The following ZMYND8 variants were observed in gnomAD, a reference collection of about 807,000 sequenced individuals.
ZMYND8 encodes the protein MYND-type zinc finger-containing chromatin reader ZMYND8.
A neutral mutation model predicts 140.8 loss-of-function variants in ZMYND8; 37 were observed. That is an observed-to-expected ratio of 0.26 (90% CI 0.20 to 0.35). ZMYND8 has a LOEUF of 0.35. Among genes scored for constraint, ZMYND8 ranks in the 10% least tolerant of loss-of-function variants. ZMYND8 has a pLI of 1.00. For missense variants in ZMYND8, 1,068 were observed against 1,570.0 expected (o/e 0.68, Z 5.40); for synonymous variants, 592 against 597.1 (o/e 0.99, Z 0.12).
intron 2 of ZMYND8, among the ~76,000 whole-genome samples, chr20:47,317,627 G>A (rs373861084): frequency 6.6e-6 from 1 of 152,234 alleles, no homozygotes; most frequent in African/African-American, 2.4e-5. Flanking sequence ...TCCACAGGCT[G>A]AGACAGGCAT....
intron 2 of ZMYND8, among the ~76,000 whole-genome samples, chr20:47,343,520 A>T (rs912621025): frequency 8.7e-5 from 13 of 149,606 alleles, no homozygotes; most frequent in East Asian, 7.8e-4. Flanking sequence ...AGAATTCTAA[A>T]TTTTTTTTTT....
At chr20:47,311,703 C>CTAG (rs1366701715) in intron 2 of ZMYND8, among the ~76,000 whole-genome samples, 1 of 152,116 alleles carries the variant, frequency 6.6e-6, no homozygotes, top group Non-Finnish European at 1.5e-5. Flanking sequence ...CCCGTCTCTA[C>CTAG]TAAAAATACA....
intron 2 of ZMYND8, among the ~76,000 whole-genome samples, chr20:47,325,771 T>A (rs2080358032): frequency 6.6e-6 from 1 of 151,988 alleles, no homozygotes; most frequent in Non-Finnish European, 1.5e-5. Flanking sequence ...TTCTCTCAAT[T>A]ATTCTTTTTC....
At chr20:47,335,150 A>G (rs1241686539) in intron 2 of ZMYND8, among the ~76,000 whole-genome samples, 1 of 151,942 alleles carries the variant, frequency 6.6e-6, no homozygotes, top group African/African-American at 2.4e-5. Flanking sequence ...GGGAGGCTGC[A>G]GTGGGAGGAC....
rs1482223441 is a variant in ZMYND8 at position 47,239,147 on chromosome 20, T to G, written c.2285-9A>C. The G allele has an allele frequency of 1.3e-6, 2 of 1,484,902 alleles. No homozygotes were observed. The highest frequency in any genetic ancestry group is 2.8e-5 in the African/African-American group (2 of 71,424). 92.0% of individuals were successfully genotyped at this position (1,484,902 alleles called of 1,614,324 possible). On this transcript the variant is annotated splice_polypyrimidine_tract_variant and intron_variant, in intron 14 of 22. Transcript: ENST00000471951. ...TGGAGTTTTACCTACAACTAGCCAA[T>G]GCATGAAGAAAAAACAAACAAAAAC...
chr20:47,295,769 G>T (rs561548238), intron 4 of ZMYND8, among the ~76,000 whole-genome samples: 1 of 152,188 alleles, frequency 6.6e-6, no homozygotes, highest in Non-Finnish European at 1.5e-5. Context: ...CCAAAGGAAC[G>T]TCTGAAACCA....
At chr20:47,292,492 TA>T in intron 5 of ZMYND8, among the ~76,000 whole-genome samples, 1 of 152,326 alleles carries the variant, frequency 6.6e-6, no homozygotes, top group East Asian at 1.9e-4. Context: ...AGATTTTGTT[TA>T]AAAGAGTCCA....
chr20:47,311,718 C>A (rs2148231097), intron 2 of ZMYND8, among the ~76,000 whole-genome samples: 1 of 152,072 alleles, frequency 6.6e-6, no homozygotes, highest in Admixed American at 6.6e-5. Flanking sequence ...AATACAAAAA[C>A]AATTAGCTGG....
At chr20:47,312,281 T>C (rs1401109154) in intron 2 of ZMYND8, among the ~76,000 whole-genome samples, 1 of 152,162 alleles carries the variant, frequency 6.6e-6, no homozygotes, top group Non-Finnish European at 1.5e-5. Flanking sequence ...AAAGGCAAAG[T>C]ATCTTCCAGC....
chr20:47,292,548 C>G (rs1361675970), intron 5 of ZMYND8, among the ~76,000 whole-genome samples: 1 of 152,118 alleles, frequency 6.6e-6, no homozygotes, highest in East Asian at 1.9e-4. Context: ...TCAGCATGCT[C>G]TAAATTTTTT....
At chr20:47,212,027 G>A (rs565056041) in intron 22 of ZMYND8, among the ~76,000 whole-genome samples, 4 of 152,312 alleles carry the variant, frequency 2.6e-5, no homozygotes, top group Non-Finnish European at 4.4e-5. Context: ...GGGCAAGGGC[G>A]GAGTCTTCTT....
chr20:47,287,067 C>T (rs1039864336), intron 8 of ZMYND8, among the ~76,000 whole-genome samples, 162 bp downstream of exon 8: 5 of 152,106 alleles, frequency 3.3e-5, no homozygotes, highest in African/African-American at 9.7e-5. Flanking sequence ...ATACTCGGGC[C>T]CCTCTTTGTT....
chr20:47,218,805 C>T (rs1021658015), intron 21 of ZMYND8, among the ~76,000 whole-genome samples: 4 of 152,170 alleles, frequency 2.6e-5, no homozygotes, highest in African/African-American at 9.7e-5. Flanking sequence ...ACTGTGCCCC[C>T]AAATCCCATC....
Position 47,242,869 on chromosome 20 carries a change from T to C in ZMYND8, c.2284+3139A>G, listed in dbSNP as rs149779110. On this transcript the variant is annotated intron_variant, in intron 14 of 22. Coordinates refer to ENST00000471951, the MANE Select transcript of ZMYND8 (RefSeq NM_001281775.3). ...TGTCCCAGAAATCTGGAGTACATAA[T>C]CAATCACCTGTAGCGGGAAAAAAAG... Among the ~76,000 whole-genome samples the C allele has an allele frequency of 7.7e-3, 1,167 of 152,250 alleles. 7 individuals carry two copies. Among genetic ancestry groups the C allele is most frequent in the Non-Finnish European group, 0.013 (867 of 68,006 alleles).
intron 2 of ZMYND8, among the ~76,000 whole-genome samples, chr20:47,343,835 T>TG (rs2082116219): frequency 6.6e-6 from 1 of 151,892 alleles, no homozygotes; most frequent in African/African-American, 2.4e-5. Context: ...TTCGAGGAGG[T>TG]GGAGCATAGC....
chr20:47,214,064 A>G (rs2035697187), intron 21 of ZMYND8, among the ~76,000 whole-genome samples: 1 of 152,160 alleles, frequency 6.6e-6, no homozygotes. Flanking sequence ...CTTCCAACTA[A>G]ACTTAGATGT....
At chr20:47,276,877 A>G in intron 10 of ZMYND8, 82 bp from the exon 11 acceptor site, 1 of 1,306,672 alleles carries the variant, frequency 7.7e-7, no homozygotes, top group Non-Finnish European at 1.0e-6. Flanking sequence ...GAACCAAATT[A>G]GCCAAGCATG....
At position 47,224,566 on chromosome 20, in the gene ZMYND8, G is replaced by A. The variant is rs1440247240; in HGVS notation, c.3017-10C>T. 2.5e-6 allele frequency: 4 copies of A among 1,612,126 alleles called. No individual in the cohort carries two copies. The highest frequency in any genetic ancestry group is 1.1e-5 in the South Asian group (1 of 91,076). The stretch of plus-strand genomic sequence containing the variant: ...TCCGCCATGGTCAGCTCTGGTGGAG[G>A]AGGGGAAGAACACCGCTCATCACCT... On this transcript the variant is annotated splice_polypyrimidine_tract_variant and intron_variant, in intron 18 of 22. Transcript: ENST00000471951.
At chr20:47,223,949 T>C (rs772913728) in intron 19 of ZMYND8, among the ~76,000 whole-genome samples, 5 of 152,316 alleles carry the variant, frequency 3.3e-5, no homozygotes, top group South Asian at 2.1e-4. Flanking sequence ...GTGTCAAAGA[T>C]AGGTTAGTAC....
Sources: gnomAD v4.1 joint callset for allele counts (sites outside exome capture counted in the v4.1 genomes callset) on GRCh38, gnomAD v4.1.1 for gene constraint, MANE v1.5 for transcripts, NCBI Gene and HGNC (gene_info 2026-07-23, HGNC 2026-07-21) for gene names.